The following BMAL2 variants were observed in gnomAD, a reference collection of about 807,000 sequenced individuals.
The protein encoded by BMAL2 is basic helix-loop-helix ARNT like 2.
chr12:27,338,496 G>T, the BMAL2 span, among the ~76,000 whole-genome samples: 1 of 152,074 alleles, frequency 6.6e-6, no homozygotes, highest in African/African-American at 2.4e-5. Context: ...TTGGGAGGGG[G>T]TCTTCCAGGG....
the BMAL2 span, among the ~76,000 whole-genome samples, chr12:27,375,595 A>C: frequency 5.9e-5 from 9 of 152,202 alleles, no homozygotes; most frequent in Non-Finnish European, 2.9e-5. Context: ...AAGGAGACAC[A>C]TTAGAATATT....
chr12:27,388,903 T>C, the BMAL2 span, among the ~76,000 whole-genome samples: 60 of 152,320 alleles, frequency 3.9e-4, no homozygotes, highest in Non-Finnish European at 5.3e-4. Context: ...ACAAGTAACA[T>C]GTTAACAAGA....
chr12:27,353,179 A>G, the BMAL2 span, among the ~76,000 whole-genome samples: 1 of 152,148 alleles, frequency 6.6e-6, no homozygotes, highest in Admixed American at 6.5e-5. Flanking sequence ...ACTTCAAACT[A>G]TACAAGGCAG....
chr12:27,373,834 G>A, the BMAL2 span, among the ~76,000 whole-genome samples: 1 of 152,170 alleles, frequency 6.6e-6, no homozygotes, highest in African/African-American at 2.4e-5. Flanking sequence ...TTCTATTACT[G>A]TAATGTAAGG....
the BMAL2 span, among the ~76,000 whole-genome samples, chr12:27,411,824 G>T: frequency 6.6e-6 from 1 of 151,974 alleles, no homozygotes; most frequent in Non-Finnish European, 1.5e-5. Context: ...CAGGTTTTTT[G>T]ATGTACAAAA....
the BMAL2 span, among the ~76,000 whole-genome samples, chr12:27,363,646 T>G: frequency 1.2e-4 from 19 of 152,226 alleles, no homozygotes; most frequent in Non-Finnish European, 2.5e-4. Flanking sequence ...TATCCAGTTT[T>G]CTATTGAGAG....
At chr12:27,371,122 G>T in the BMAL2 span, among the ~76,000 whole-genome samples, 6 of 152,166 alleles carry the variant, frequency 3.9e-5, no homozygotes, top group Non-Finnish European at 5.9e-5. Flanking sequence ...ATAAAGTTGG[G>T]CATTTAAATA....
At chr12:27,403,730 A>T in the BMAL2 span, among the ~76,000 whole-genome samples, 3 of 152,210 alleles carry the variant, frequency 2.0e-5, no homozygotes, top group African/African-American at 7.2e-5. Context: ...ATGAAAAAAA[A>T]CTTTAAAATT....
the BMAL2 span, chr12:27,385,488 A>G: frequency 1.2e-6 from 2 of 1,605,596 alleles, no homozygotes; most frequent in African/African-American, 1.3e-5. Flanking sequence ...TAGGCTTGAC[A>G]AATTCTTATG....
At chr12:27,377,946 T>TA in the BMAL2 span, among the ~76,000 whole-genome samples, 3 of 130,846 alleles carry the variant, frequency 2.3e-5, no homozygotes, top group Non-Finnish European at 1.7e-5. Flanking sequence ...TGTTCCTCCC[T>TA]ACCCACCTCC....
chr12:27,346,628 G>A, the BMAL2 span, among the ~76,000 whole-genome samples: 18 of 152,164 alleles, frequency 1.2e-4, no homozygotes, highest in Non-Finnish European at 2.1e-4. Context: ...CTATGTGGCT[G>A]TTGTCCACCA....
At chr12:27,359,953 T>TTGAGCCCTTAG in the BMAL2 span, among the ~76,000 whole-genome samples, 7 of 148,724 alleles carry the variant, frequency 4.7e-5, no homozygotes, top group Non-Finnish European at 1.0e-4. Context: ...CTTAGGAGGC[T>TTGAGCCCTTAG]GAGGTGGGAG....
the BMAL2 span, among the ~76,000 whole-genome samples, chr12:27,369,458 T>C: frequency 1.3e-5 from 2 of 152,230 alleles, no homozygotes; most frequent in African/African-American, 4.8e-5. Context: ...GAAGGTTTTC[T>C]ACTGTTTTTG....
At chr12:27,338,986 G>T in the BMAL2 span, among the ~76,000 whole-genome samples, 1 of 152,068 alleles carries the variant, frequency 6.6e-6, no homozygotes. Context: ...AAGTTCAAGG[G>T]TATATGTGCA....
chr12:27,407,795 G>C, the BMAL2 span, among the ~76,000 whole-genome samples: 3 of 152,094 alleles, frequency 2.0e-5, no homozygotes, highest in Non-Finnish European at 2.9e-5. Context: ...AAAAATCAAT[G>C]AATCCAGGAG....
At chr12:27,342,062 G>A in the BMAL2 span, among the ~76,000 whole-genome samples, 1 of 151,888 alleles carries the variant, frequency 6.6e-6, no homozygotes, top group Admixed American at 6.6e-5. Context: ...TCAGCCTCCC[G>A]AATATCTGGG....
chr12:27,410,969 G>C, the BMAL2 span, among the ~76,000 whole-genome samples: 6 of 152,064 alleles, frequency 3.9e-5, no homozygotes, highest in African/African-American at 1.2e-4. Flanking sequence ...TGTGGAAAAT[G>C]TGTGGATTTC....
At chr12:27,393,322 T>C in the BMAL2 span, among the ~76,000 whole-genome samples, 1 of 152,184 alleles carries the variant, frequency 6.6e-6, no homozygotes, top group African/African-American at 2.4e-5. Context: ...AGACACATGG[T>C]TCTCAAACTT....
the BMAL2 span, among the ~76,000 whole-genome samples, chr12:27,359,059 T>A: frequency 1.4e-4 from 21 of 152,134 alleles, no homozygotes; most frequent in Non-Finnish European, 2.8e-4. Context: ...TATAAAACAA[T>A]AACTGCTTGT....
Sources: gnomAD v4.1 joint callset for allele counts (sites outside exome capture counted in the v4.1 genomes callset) on GRCh38, gnomAD v4.1.1 for gene constraint, MANE v1.5 for transcripts, NCBI Gene and HGNC (gene_info 2026-07-23, HGNC 2026-07-21) for gene names.